The following HMCN1 variants were observed in gnomAD, a reference collection of about 807,000 sequenced individuals.
HMCN1 encodes hemicentin-1.
In HMCN1, 321 loss-of-function variants were observed where a neutral mutation model predicts 625.9. The observed-to-expected ratio is 0.51, with a 90% CI of 0.47 to 0.56. The LOEUF (loss-of-function observed/expected upper bound fraction) is 0.56, where lower values mean the gene tolerates loss of function less well. Ranked by LOEUF, HMCN1 falls within the 20% of genes least tolerant of loss-of-function variation. The pLI is 0.00. For synonymous variants in HMCN1, 2,425 were observed against 2,417.6 expected, an observed-to-expected ratio of 1.00 and a Z score of -0.09; for missense variants, 6,588 against 6,887.3, an observed-to-expected ratio of 0.96 and a Z score of 1.54.
chr1:186,028,613 G>C (rs1288031176), intron 36 of HMCN1, among the ~76,000 whole-genome samples: 2 of 151,968 alleles, frequency 1.3e-5, no homozygotes, highest in Non-Finnish European at 2.9e-5. Context: ...CCACTTGTTT[G>C]TCAAATACCA....
intron 44 of HMCN1, among the ~76,000 whole-genome samples, chr1:186,054,274 G>A (rs1469927444): frequency 2.6e-5 from 4 of 151,708 alleles, no homozygotes; most frequent in Non-Finnish European, 4.4e-5. Flanking sequence ...GGGGGAAGGG[G>A]GAGCATTTTA....
chr1:186,103,468 A>G lies in HMCN1; in HGVS notation c.10574-4A>G. 6.2e-7 allele frequency: 1 copy of G among 1,610,616 alleles called. No homozygotes were observed. The highest frequency in any genetic ancestry group is 8.5e-7 in the Non-Finnish European group (1 of 1,176,928). On this transcript the variant is annotated splice_region_variant and splice_polypyrimidine_tract_variant and intron_variant, in intron 68 of 106. Coordinates refer to ENST00000271588, the MANE Select transcript of HMCN1 (RefSeq NM_031935.3). ...TATTATTATTTTTGATTCCCTTTAA[A>G]TAGAACCACCTCACATTAATGGATC...
At chr1:185,968,950 C>A (rs555354188) in intron 14 of HMCN1, among the ~76,000 whole-genome samples, 1 of 152,134 alleles carries the variant, frequency 6.6e-6, no homozygotes, top group East Asian at 1.9e-4. Flanking sequence ...TAGTTTTTTC[C>A]AATTTATATT....
intron 5 of HMCN1, 43 bp from the exon 6 acceptor site, chr1:185,911,631 G>A (rs747734731): frequency 7.5e-7 from 1 of 1,335,392 alleles, no homozygotes; most frequent in Non-Finnish European, 1.1e-6. Context: ...ATACATAGCT[G>A]AGAGAAGGAT....
At chr1:185,736,514 T>C (rs1188011240) in intron 1 of HMCN1, among the ~76,000 whole-genome samples, 1 of 152,198 alleles carries the variant, frequency 6.6e-6, no homozygotes, top group African/African-American at 2.4e-5. Context: ...AGTCTGAAGT[T>C]AGCTAAAAAA....
At chr1:185,754,005 A>G (rs914848557) in intron 1 of HMCN1, among the ~76,000 whole-genome samples, 1 of 152,212 alleles carries the variant, frequency 6.6e-6, no homozygotes, top group Non-Finnish European at 1.5e-5. Flanking sequence ...AATAGCCAAG[A>G]TATGGAATCA....
chr1:186,165,168 G>A lies in HMCN1; in HGVS notation c.15314G>A (p.Cys5105Tyr). 6.2e-7 allele frequency: 1 copy of A among 1,613,344 alleles called. No homozygotes were observed. The highest frequency in any genetic ancestry group is 1.1e-5 in the South Asian group (1 of 91,044). Residue 5105 changes from cysteine (C) to tyrosine (Y), a missense_variant, in exon 98 of 107, where the codon TGT becomes TAT. Around this residue, in one of 3 missense-constraint regions of HMCN1, gnomAD observed 1,954 missense variants for 2,013.1 expected, o/e 0.97. Coordinates refer to ENST00000271588, the MANE Select transcript of HMCN1 (RefSeq NM_031935.3). ...GFTLDSVGPF[C>Y]ADEDECAAGN... is the part of the protein sequence containing the mutation. ...ACCTTAGACTCAGTTGGACCTTTTT[G>A]TGCTGGTAAGTACAGAGATAAATAA...
At chr1:185,861,984 TG>T (rs770490945) in intron 2 of HMCN1, among the ~76,000 whole-genome samples, 2 of 152,206 alleles carry the variant, frequency 1.3e-5, no homozygotes, top group Non-Finnish European at 2.9e-5. Flanking sequence ...ATGCATATTT[TG>T]TTGAGAAGTG....
intron 97 of HMCN1, among the ~76,000 whole-genome samples, chr1:186,155,186 T>G (rs74136052): frequency 0.012 from 1,849 of 152,316 alleles, 41 homozygotes; most frequent in African/African-American, 0.041. Context: ...CTTATGACTG[T>G]TTCCTTCAAC....
intron 2 of HMCN1, among the ~76,000 whole-genome samples, chr1:185,855,528 T>C (rs1571452335): frequency 6.6e-6 from 1 of 152,350 alleles, no homozygotes; most frequent in Non-Finnish European, 1.5e-5. Flanking sequence ...TTTTTTTTAA[T>C]GTATTAGGCA....
At chr1:185,801,255 G>A (rs1658772907) in intron 1 of HMCN1, among the ~76,000 whole-genome samples, 1 of 152,100 alleles carries the variant, frequency 6.6e-6, no homozygotes, top group Non-Finnish European at 1.5e-5. Flanking sequence ...GAAAGAAGTC[G>A]GTGGGCTAAG....
intron 1 of HMCN1, among the ~76,000 whole-genome samples, chr1:185,806,427 T>C (rs1370448426): frequency 6.6e-6 from 1 of 151,716 alleles, no homozygotes; most frequent in Admixed American, 6.6e-5. Flanking sequence ...ACATCTATAG[T>C]CTTAAGCTAC....
chr1:185,917,625 A>C (rs558915166), intron 6 of HMCN1, among the ~76,000 whole-genome samples: 58 of 152,302 alleles, frequency 3.8e-4, no homozygotes, highest in African/African-American at 1.4e-3. Context: ...GATGGCTTTC[A>C]TGTCATTTAT....
intron 1 of HMCN1, among the ~76,000 whole-genome samples, chr1:185,805,585 C>A (rs1045339328): frequency 6.6e-6 from 1 of 152,074 alleles, no homozygotes; most frequent in Admixed American, 6.6e-5. Context: ...TATTCTATAT[C>A]CCTCAAAAAT....
chr1:186,042,628 A>G (rs1656282707), intron 40 of HMCN1, among the ~76,000 whole-genome samples: 1 of 152,168 alleles, frequency 6.6e-6, no homozygotes, highest in South Asian at 2.1e-4. Context: ...TAAAGGTCAA[A>G]TGGCTAGCTG....
chr1:185,743,313 T>C (rs1276665780), intron 1 of HMCN1, among the ~76,000 whole-genome samples: 2 of 152,234 alleles, frequency 1.3e-5, no homozygotes, highest in Non-Finnish European at 2.9e-5. Context: ...AAGAATACAA[T>C]TCACAACATA....
chr1:186,113,861 C>T, intron 72 of HMCN1, 118 bp from the exon 73 acceptor site: 1 of 1,114,308 alleles, frequency 9.0e-7, no homozygotes, highest in Non-Finnish European at 1.4e-6. Context: ...AACCTAGATT[C>T]TTGTAGACAA....
chr1:185,819,480 G>A (rs909921592), intron 1 of HMCN1, among the ~76,000 whole-genome samples: 2 of 151,748 alleles, frequency 1.3e-5, no homozygotes, highest in African/African-American at 4.8e-5. Context: ...TGAGTTCTCT[G>A]ATATTACCTA....
chr1:186,143,307 T>G (rs1650088239), intron 89 of HMCN1, among the ~76,000 whole-genome samples: 1 of 152,244 alleles, frequency 6.6e-6, no homozygotes, highest in South Asian at 2.1e-4. Flanking sequence ...TCTGCTCATA[T>G]TTTGATTAAA....
Sources: allele counts gnomAD v4.1 joint callset (sites outside exome capture counted in the v4.1 genomes callset), GRCh38; gene constraint gnomAD v4.1.1; regional missense constraint gnomAD v4.1.1; transcripts MANE v1.5; gene names NCBI Gene and HGNC (gene_info 2026-07-23, HGNC 2026-07-21).